CDH13: variants seen among roughly 807,000 people sequenced by gnomAD.
CDH13 encodes the protein cadherin-13.
A neutral mutation model predicts 63.8 loss-of-function variants in CDH13; 24 were observed. That is an observed-to-expected ratio of 0.38 (90% CI 0.27 to 0.53). The LOEUF (loss-of-function observed/expected upper bound fraction) is 0.53. Ranked by LOEUF, CDH13 falls within the 20% of genes least tolerant of loss-of-function variation. The pLI is 0.85. For missense variants in CDH13, 1,049 were observed against 903.1 expected (o/e 1.16, Z -2.07); for synonymous variants, 503 against 355.3 (o/e 1.42, Z -4.67).
intron 4 of CDH13, among the ~76,000 whole-genome samples, chr16:83,172,720 C>G (rs1009129947): frequency 2.0e-5 from 3 of 151,918 alleles, no homozygotes; most frequent in East Asian, 1.9e-4. Flanking sequence ...CTTAAGCCAC[C>G]CAATCTACAG....
intron 1 of CDH13, among the ~76,000 whole-genome samples, chr16:82,715,966 T>C (rs1300971776): frequency 1.3e-5 from 2 of 152,222 alleles, no homozygotes; most frequent in Non-Finnish European, 2.9e-5. Flanking sequence ...CTAAGCCATG[T>C]GTCACTACTG....
At chr16:82,981,722 G>A (rs944494020) in intron 2 of CDH13, among the ~76,000 whole-genome samples, 6 of 152,086 alleles carry the variant, frequency 3.9e-5, no homozygotes, top group African/African-American at 1.4e-4. Context: ...ATGTTTCTAT[G>A]CATCTCCTCA....
chr16:83,316,556 G>C (rs748302145), intron 5 of CDH13, among the ~76,000 whole-genome samples: 2 of 152,166 alleles, frequency 1.3e-5, no homozygotes, highest in African/African-American at 2.4e-5. Context: ...AGATGTGCTA[G>C]GGAATGTGGT....
chr16:83,057,197 C>T (rs2031037129), intron 3 of CDH13, among the ~76,000 whole-genome samples: 1 of 152,128 alleles, frequency 6.6e-6, no homozygotes, highest in Non-Finnish European at 1.5e-5. Context: ...GATCTCCTGA[C>T]CTCGTGATCC....
rs187412195 is a variant in CDH13 at position 83,085,123 on chromosome 16, G to A, written c.367-40262G>A. Among the ~76,000 whole-genome samples the A allele has an allele frequency of 1.1e-4, 16 of 152,106 alleles. 1 individual carries two copies. In the East Asian group the frequency reaches 1.7e-3, roughly 17 times the overall value. On this transcript the variant is annotated intron_variant, in intron 3 of 13. Transcript: ENST00000567109. ...ACATAGCTGAGACTGGGAAGAAAAA[G>A]AGGTTTAATTGGACTTACAGTTCCA...
At chr16:83,714,287 C>G (rs1908553215) in intron 10 of CDH13, among the ~76,000 whole-genome samples, 1 of 152,126 alleles carries the variant, frequency 6.6e-6, no homozygotes, top group Non-Finnish European at 1.5e-5. Context: ...ATATCCCTGT[C>G]CCTAAAAGAT....
chr16:82,874,157 G>A (rs887274908), intron 2 of CDH13, among the ~76,000 whole-genome samples: 1 of 152,172 alleles, frequency 6.6e-6, no homozygotes, highest in African/African-American at 2.4e-5. Context: ...TTTACCCTCA[G>A]TAGGATAAAT....
chr16:83,452,429 C>T (rs1217487191), intron 6 of CDH13, among the ~76,000 whole-genome samples: 1 of 152,112 alleles, frequency 6.6e-6, no homozygotes, highest in East Asian at 1.9e-4. Flanking sequence ...TAGACATCCT[C>T]TGTTCAGGCA....
intron 4 of CDH13, among the ~76,000 whole-genome samples, chr16:83,187,906 G>A (rs1597486244): frequency 6.6e-6 from 1 of 152,154 alleles, no homozygotes; most frequent in Non-Finnish European, 1.5e-5. Context: ...CTGATGAACT[G>A]GGATGAGTGC....
chr16:82,723,491 C>G (rs992502280), intron 1 of CDH13, among the ~76,000 whole-genome samples: 1 of 152,174 alleles, frequency 6.6e-6, no homozygotes, highest in Non-Finnish European at 1.5e-5. Context: ...GTCCACCTTA[C>G]TTCAGCAAAA....
rs140271774 is a variant in CDH13, at chr16:83,433,340, G to C, written c.782-53137G>C. Among the ~76,000 whole-genome samples, 821 of 152,282 alleles carry C rather than the reference G, an allele frequency of 5.4e-3. 9 individuals carry two copies. The highest frequency in any genetic ancestry group is 0.019 in the African/African-American group (772 of 41,554). On this transcript the variant is annotated intron_variant, in intron 6 of 13. Transcript: ENST00000567109. ...TGCCTCTGCCTTCCCCTTGAGGCTTGTTGAGTAGTTCCAATGAGTCAGCAA... is the reference window on the plus strand; with the variant it reads ...TGCCTCTGCCTTCCCCTTGAGGCTTCTTGAGTAGTTCCAATGAGTCAGCAA...
chr16:83,557,793 C>G (rs1489281321), intron 7 of CDH13, among the ~76,000 whole-genome samples: 1 of 152,084 alleles, frequency 6.6e-6, no homozygotes, highest in Admixed American at 6.5e-5. Context: ...CAGTAGCACC[C>G]AATTTCAGAC....
intron 10 of CDH13, among the ~76,000 whole-genome samples, chr16:83,678,830 A>C (rs3784943): frequency 6.6e-6 from 1 of 152,070 alleles, no homozygotes; most frequent in Admixed American, 6.5e-5. Flanking sequence ...GCACTGCTTT[A>C]TGACAAAGGT....
chr16:83,339,093 A>C (rs2090665860), intron 5 of CDH13, among the ~76,000 whole-genome samples: 1 of 152,126 alleles, frequency 6.6e-6, no homozygotes, highest in Non-Finnish European at 1.5e-5. Context: ...GACAGAAGCT[A>C]ATCTCAAGGA....
At chr16:83,455,317 G>A (rs1317301470) in intron 6 of CDH13, among the ~76,000 whole-genome samples, 1 of 152,180 alleles carries the variant, frequency 6.6e-6, no homozygotes, top group Non-Finnish European at 1.5e-5. Context: ...ATGGCAGATG[G>A]ACATTCAACC....
chr16:82,975,875 C>G (rs907806148), intron 2 of CDH13, among the ~76,000 whole-genome samples: 2 of 152,132 alleles, frequency 1.3e-5, no homozygotes, highest in Non-Finnish European at 2.9e-5. Flanking sequence ...GGGCTTTTAA[C>G]AGCATAATGC....
chr16:82,971,358 C>G (rs1375670293), intron 2 of CDH13, among the ~76,000 whole-genome samples: 1 of 152,202 alleles, frequency 6.6e-6, no homozygotes, highest in Non-Finnish European at 1.5e-5. Flanking sequence ...CTCCCATCAC[C>G]TTCCACATCA....
At chr16:83,051,557 C>G (rs1184417243) in intron 3 of CDH13, among the ~76,000 whole-genome samples, 3 of 152,194 alleles carry the variant, frequency 2.0e-5, no homozygotes, top group Admixed American at 6.5e-5. Flanking sequence ...ACATCATATA[C>G]TTACAAGATT....
intron 2 of CDH13, among the ~76,000 whole-genome samples, chr16:82,994,143 T>C (rs1162502831): frequency 2.0e-5 from 3 of 152,140 alleles, no homozygotes; most frequent in Non-Finnish European, 4.4e-5. Flanking sequence ...TCCCCTTCTC[T>C]TCCCAAACAT....
Sources: allele counts gnomAD v4.1 joint callset (sites outside exome capture counted in the v4.1 genomes callset), GRCh38; gene constraint gnomAD v4.1.1; transcripts MANE v1.5; gene names NCBI Gene and HGNC (gene_info 2026-07-23, HGNC 2026-07-21).